Variants in CHCHD3 observed in about 807,000 individuals in gnomAD.
CHCHD3 encodes the protein coiled-coil-helix-coiled-coil-helix domain containing 3.
Under a neutral mutation model 38.2 loss-of-function variants are expected in CHCHD3, and 20 were observed. The ratio of observed to expected loss-of-function variants is 0.52; its 90% CI spans 0.37 to 0.76. The LOEUF (loss-of-function observed/expected upper bound fraction) is 0.76, where lower values mean the gene tolerates loss of function less well. CHCHD3 is among the 30% of genes least tolerant of loss of function. The pLI is 0.00. For missense variants in CHCHD3, 245 were observed against 279.2 expected (o/e 0.88, Z 0.87); for synonymous variants, 82 against 100.0 (o/e 0.82, Z 1.07).
chr7:133,028,118 C>T (rs1268117565), intron 2 of CHCHD3, among the ~76,000 whole-genome samples: 1 of 152,090 alleles, frequency 6.6e-6, no homozygotes, highest in East Asian at 1.9e-4. Flanking sequence ...AAAACTGAAA[C>T]AAATATTTAA....
intron 6 of CHCHD3, among the ~76,000 whole-genome samples, chr7:132,827,377 T>C (rs1193711978): frequency 6.6e-6 from 1 of 152,194 alleles, no homozygotes; most frequent in Non-Finnish European, 1.5e-5. Context: ...TCATATATAC[T>C]ATACATAGCC....
At chr7:133,075,718 G>A (rs1276068050) in intron 1 of CHCHD3, among the ~76,000 whole-genome samples, 1 of 152,098 alleles carries the variant, frequency 6.6e-6, no homozygotes, top group African/African-American at 2.4e-5. Context: ...ACCCAAAATG[G>A]GGGTCGATAG....
At chr7:132,810,805 A>G (rs1807050892) in intron 6 of CHCHD3, among the ~76,000 whole-genome samples, 1 of 152,166 alleles carries the variant, frequency 6.6e-6, no homozygotes, top group Non-Finnish European at 1.5e-5. Flanking sequence ...CACACAACCC[A>G]ACCTAAGAAT....
At chr7:133,043,654 A>AC (rs1435853656) in intron 2 of CHCHD3, among the ~76,000 whole-genome samples, 1 of 152,208 alleles carries the variant, frequency 6.6e-6, no homozygotes, top group East Asian at 1.9e-4. Context: ...TCAAAAAAAA[A>AC]AAAAAAATAG....
At chr7:132,981,503 T>C (rs953825856) in intron 3 of CHCHD3, among the ~76,000 whole-genome samples, 10 of 152,256 alleles carry the variant, frequency 6.6e-5, no homozygotes, top group Admixed American at 5.2e-4. Context: ...TTCACGGTTA[T>C]TTTAAAATAG....
intron 5 of CHCHD3, among the ~76,000 whole-genome samples, chr7:132,863,387 G>C (rs540965307): frequency 6.6e-6 from 1 of 152,090 alleles, no homozygotes; most frequent in African/African-American, 2.4e-5. Flanking sequence ...TCAACAGTAG[G>C]CTTAAAATAT....
intron 1 of CHCHD3, among the ~76,000 whole-genome samples, chr7:133,081,293 T>A (rs907545570): frequency 1.3e-5 from 2 of 150,292 alleles, no homozygotes; most frequent in Non-Finnish European, 3.0e-5. Context: ...CAAGTGAAAG[T>A]GAAGCAGGGA....
intron 5 of CHCHD3, among the ~76,000 whole-genome samples, chr7:132,878,824 TA>T (rs1318668431): frequency 6.6e-6 from 1 of 152,188 alleles, no homozygotes; most frequent in Non-Finnish European, 1.5e-5. Context: ...AAATAATGAG[TA>T]AACTAATTAT....
intron 4 of CHCHD3, among the ~76,000 whole-genome samples, chr7:132,955,216 T>TGTGTGTGTGTGTGTGTGTG (rs1811134128): frequency 1.8e-4 from 3 of 16,796 alleles, no homozygotes; most frequent in African/African-American, 2.9e-4. Flanking sequence ...GTGTGTGTGT[T>TGTGTGTGTGTGTGTGTGTG]GCGGGGTGGG....
chr7:132,874,204 A>G (rs1224073462), intron 5 of CHCHD3, among the ~76,000 whole-genome samples: 1 of 152,214 alleles, frequency 6.6e-6, no homozygotes, highest in Non-Finnish European at 1.5e-5. Context: ...ACTACAAGTC[A>G]CAAGGGGACA....
intron 3 of CHCHD3, among the ~76,000 whole-genome samples, chr7:132,983,186 G>A (rs1333163594): frequency 6.6e-6 from 1 of 152,090 alleles, no homozygotes; most frequent in African/African-American, 2.4e-5. Context: ...AGCCAGGCAT[G>A]GTGGTAGCAC....
At chr7:132,982,767 A>ATACT (rs1811951290) in intron 3 of CHCHD3, among the ~76,000 whole-genome samples, 1 of 152,198 alleles carries the variant, frequency 6.6e-6, no homozygotes, top group African/African-American at 2.4e-5. Context: ...TGTAAAATTG[A>ATACT]GGCCTACAGA....
intron 4 of CHCHD3, among the ~76,000 whole-genome samples, chr7:132,900,820 G>A (rs765938313): frequency 1.5e-4 from 23 of 152,010 alleles, no homozygotes; most frequent in Non-Finnish European, 2.4e-4. Flanking sequence ...GTGAAACCCC[G>A]TCTCTACTAA....
At chr7:132,910,077 A>G (rs1454719004) in intron 4 of CHCHD3, among the ~76,000 whole-genome samples, 1 of 152,238 alleles carries the variant, frequency 6.6e-6, no homozygotes, top group Non-Finnish European at 1.5e-5. Flanking sequence ...AAAATACAGT[A>G]GTCACAGGAT....
chr7:132,857,511 G>C (rs950966807), intron 5 of CHCHD3, among the ~76,000 whole-genome samples: 6 of 152,048 alleles, frequency 3.9e-5, no homozygotes, highest in Non-Finnish European at 5.9e-5. Context: ...AGGTTCAAGC[G>C]ATTCTCCTGC....
At position 132,935,372 on chromosome 7, in the gene CHCHD3, C is replaced by A. The variant is rs570964461; in HGVS notation, c.369+39797G>T. Reference sequence around the variant, plus strand: ...TATTATATCATTTTAGCATATCACACTAGCATTTTTAATATGAAAATACAA... The same window carrying A: ...TATTATATCATTTTAGCATATCACAATAGCATTTTTAATATGAAAATACAA... On this transcript the variant is annotated intron_variant, in intron 4 of 7. Coordinates refer to ENST00000262570, the MANE Select transcript of CHCHD3 (RefSeq NM_017812.4). Among the ~76,000 whole-genome samples, 4 of 152,264 alleles carry A rather than the reference C, an allele frequency of 2.6e-5. No individual in the cohort carries two copies. In the South Asian group the frequency reaches 8.3e-4, roughly 32 times the overall value.
chr7:132,898,372 A>G (rs1809563167), intron 4 of CHCHD3, among the ~76,000 whole-genome samples: 1 of 152,114 alleles, frequency 6.6e-6, no homozygotes, highest in Non-Finnish European at 1.5e-5. Flanking sequence ...AGACACAAAG[A>G]TTCTCCACGT....
At chr7:133,045,355 C>T (rs151263760) in intron 2 of CHCHD3, among the ~76,000 whole-genome samples, 73 of 152,290 alleles carry the variant, frequency 4.8e-4, no homozygotes, top group South Asian at 1.0e-3. Context: ...CATTTCAGTG[C>T]ACTCTAACAT....
chr7:133,054,989 T>C (rs1814275468), intron 2 of CHCHD3, among the ~76,000 whole-genome samples: 1 of 151,934 alleles, frequency 6.6e-6, no homozygotes, highest in Non-Finnish European at 1.5e-5. Flanking sequence ...GCTTAATGTA[T>C]AGTAAAGGTG....
Sources: allele counts gnomAD v4.1 joint callset (sites outside exome capture counted in the v4.1 genomes callset), GRCh38; gene constraint gnomAD v4.1.1; transcripts MANE v1.5; gene names NCBI Gene and HGNC (gene_info 2026-07-23, HGNC 2026-07-21).